The following PTPRB variants were observed in gnomAD, a reference collection of about 807,000 sequenced individuals.
PTPRB encodes receptor-type tyrosine-protein phosphatase beta.
Under a neutral mutation model 238.1 loss-of-function variants are expected in PTPRB, and 97 were observed. That is an observed-to-expected ratio of 0.41 (90% confidence interval 0.35 to 0.48). The LOEUF is 0.48. PTPRB is among the 20% of genes least tolerant of loss of function. The pLI is 0.30. For synonymous variants in PTPRB, 970 were observed against 995.4 expected, an observed-to-expected ratio of 0.97 and a Z score of 0.48; for missense variants, 2,292 against 2,681.9, an observed-to-expected ratio of 0.85 and a Z score of 3.21.
At position 70,539,967 on chromosome 12, in the gene PTPRB, A is replaced by C; in HGVS notation, c.5650T>G (p.Ser1884Ala). The C allele has an allele frequency of 6.2e-7, 1 of 1,612,612 alleles. No homozygotes were observed. The highest frequency in any genetic ancestry group is 8.5e-7 in the Non-Finnish European group (1 of 1,178,592). ...RLSIRRDRPL[S>A]VHLNLGQKGN... The stretch of plus-strand genomic sequence containing the variant: ...TTCTGGCCCAGGTTTAAGTGGACAG[A>C]TAATGGTCGATCCCTACGAATGCTC... The change falls in exon 24 of 34, where the codon TCT becomes GCT. Residue 1884 changes from serine (S) to alanine (A), a missense_variant. Transcript: ENST00000334414.
Position 70,590,041 on chromosome 12 carries a change from G to A in PTPRB, c.1973C>T (p.Pro658Leu). 6.2e-7 allele frequency: 1 copy of A among 1,613,838 alleles called. No individual in the cohort carries two copies. The highest frequency in any genetic ancestry group is 1.1e-5 in the South Asian group (1 of 91,068). The change falls in exon 8 of 34, where the codon CCG (proline) becomes CTG (leucine). Residue 658 changes from proline (P) to leucine (L), a missense_variant. By Grantham distance (98) the Pro-to-Leu change is moderately conservative. Around this residue, in one of 4 missense-constraint regions of PTPRB, gnomAD observed 1,205 missense variants for 1,287.8 expected, o/e 0.94. Coordinates refer to ENST00000334414, the MANE Select transcript of PTPRB (RefSeq NM_001109754.4). ...QYVMDDTGLV[P>L]GRQYEVEVIV... ...GACTTCCACCTCATACTGTCTTCCC[G>A]GTACGAGCCCCGTGTCATCCATGAC...
intron 19 of PTPRB, among the ~76,000 whole-genome samples, chr12:70,555,610 G>A (rs989309346): frequency 2.6e-5 from 4 of 152,148 alleles, no homozygotes; most frequent in African/African-American, 9.7e-5. Flanking sequence ...ACTATATGAG[G>A]CAAAGTGATA....
In PTPRB at chr12:70,516,366, C is replaced by T. The variant is rs191259889; in HGVS notation, c.*5123G>A. ...GTCGAGACGAGATTAAAGACTTGGTCCTTGTTCTTGAGGAATTTATAAGCC... is the reference window on the plus strand; with the variant it reads ...GTCGAGACGAGATTAAAGACTTGGTTCTTGTTCTTGAGGAATTTATAAGCC... On this transcript the variant is annotated 3_prime_UTR_variant, in exon 34 of 34. Coordinates refer to ENST00000334414, the MANE Select transcript of PTPRB (RefSeq NM_001109754.4). 3.3e-5 allele frequency: 5 copies of T among 152,292 alleles called. No individual in the cohort carries two copies. The East Asian group carries it at 9.6e-4, about 29-fold the overall frequency. The allele number at this position is 152,292 out of a possible 1,614,324, so 9.4% of individuals were successfully genotyped here.
chr12:70,624,338 T>C (rs1885079217), intron 2 of PTPRB, among the ~76,000 whole-genome samples: 2 of 152,196 alleles, frequency 1.3e-5, no homozygotes, highest in African/African-American at 4.8e-5. Flanking sequence ...GTACATCTAC[T>C]AGATCTCGGC....
rs560762182 is a variant in PTPRB at position 70,564,323 on chromosome 12, C to T, written c.3905-1216G>A. Among the ~76,000 whole-genome samples the T allele has an allele frequency of 3.7e-4, 56 of 151,240 alleles. No homozygotes were observed. The South Asian group carries it at 0.011, about 31-fold the overall frequency. On this transcript the variant is annotated intron_variant, in intron 15 of 33. Coordinates refer to ENST00000334414, the MANE Select transcript of PTPRB (RefSeq NM_001109754.4). ...GGTCAGGAGTTCAAGACCAGCCTGG[C>T]CAACATGGTGAAACCCTGTCTCTAC...
chr12:70,592,221 T>C, intron 7 of PTPRB, 61 bp downstream of exon 7: 1 of 1,608,996 alleles, frequency 6.2e-7, no homozygotes, highest in Non-Finnish European at 8.5e-7. Context: ...TTTGTCCTAT[T>C]TTAAGGTGGA....
chr12:70,593,536 A>G (rs1882700986), intron 6 of PTPRB, among the ~76,000 whole-genome samples: 1 of 151,518 alleles, frequency 6.6e-6, no homozygotes, highest in Non-Finnish European at 1.5e-5. Flanking sequence ...AAAAAAAAAA[A>G]AAAAGAATGG....
chr12:70,594,166 T>G (rs17108374), intron 6 of PTPRB, among the ~76,000 whole-genome samples: 18,257 of 152,130 alleles, frequency 0.12, 1,217 homozygotes, highest in Non-Finnish European at 0.13. Context: ...CAGTTGCCTG[T>G]TTAAGAAAAG....
chr12:70,583,789 G>A (rs571164120), intron 9 of PTPRB, among the ~76,000 whole-genome samples: 3 of 152,214 alleles, frequency 2.0e-5, no homozygotes, highest in African/African-American at 7.2e-5. Context: ...GCACCTGAAA[G>A]AATCAAATGA....
intron 2 of PTPRB, among the ~76,000 whole-genome samples, chr12:70,624,684 C>T (rs1341058168): frequency 2.6e-5 from 4 of 152,008 alleles, no homozygotes; most frequent in South Asian, 4.1e-4. Flanking sequence ...GATCCTGATC[C>T]TCTGAGTTGA....
At chr12:70,582,988 G>A (rs1407768999) in intron 9 of PTPRB, among the ~76,000 whole-genome samples, 1 of 152,108 alleles carries the variant, frequency 6.6e-6, no homozygotes, top group Non-Finnish European at 1.5e-5. Flanking sequence ...AACCACATGA[G>A]CTATCATTAT....
intron 33 of PTPRB, among the ~76,000 whole-genome samples, chr12:70,522,863 C>CTTTTT (rs35913444): frequency 8.5e-5 from 10 of 118,240 alleles, no homozygotes; most frequent in African/African-American, 1.0e-4. Context: ...TTTGTTTTTT[C>CTTTTT]TTTTTTTTTT....
At chr12:70,576,987 G>A (rs571931976) in intron 10 of PTPRB, among the ~76,000 whole-genome samples, 1 of 152,250 alleles carries the variant, frequency 6.6e-6, no homozygotes, top group East Asian at 1.9e-4. Context: ...AAGGTTCCCT[G>A]TAAGAAAGGG....
intron 11 of PTPRB, among the ~76,000 whole-genome samples, chr12:70,574,922 C>A (rs182929498): frequency 2.2e-4 from 34 of 152,288 alleles, no homozygotes; most frequent in Admixed American, 1.5e-3. Context: ...AGGAAATCAT[C>A]ATGAATTGAC....
Position 70,560,511 on chromosome 12 carries a change from T to C in PTPRB, c.4432+160A>G, listed in dbSNP as rs542486046. Reference sequence around the variant, plus strand: ...ACATATTTCTTTTGGACCAAAGCCTTGTCCTTTATCTGTTGTCCCACAGTC... The same window carrying C: ...ACATATTTCTTTTGGACCAAAGCCTCGTCCTTTATCTGTTGTCCCACAGTC... On this transcript the variant is annotated intron_variant, in intron 17 of 33. Coordinates refer to ENST00000334414, the MANE Select transcript of PTPRB (RefSeq NM_001109754.4). This position sits in a 1 kb window ranked among gnomAD's most constrained non-coding sequence, Gnocchi z 4.2. 1.9e-4 allele frequency among the ~76,000 whole-genome samples: 29 copies of C among 152,346 alleles called. No homozygotes were observed. The South Asian group carries it at 5.0e-3, about 26-fold the overall frequency.
In PTPRB at chr12:70,517,216, T is replaced by A. The variant is rs1871263178; in HGVS notation, c.*4273A>T. The A allele has an allele frequency of 6.6e-6, 1 of 152,228 alleles. No individual in the cohort carries two copies. The highest frequency in any genetic ancestry group is 6.5e-5 in the Admixed American group (1 of 15,274). 9.4% of individuals were successfully genotyped at this position (152,228 alleles called of 1,614,324 possible). ...AGCAAAATAAATTGATTCAATTGTT[T>A]AATCAGTTAAACCATCTGGCCAACA... On this transcript the variant is annotated 3_prime_UTR_variant, in exon 34 of 34. Transcript: ENST00000334414.
intron 4 of PTPRB, among the ~76,000 whole-genome samples, chr12:70,606,525 C>G (rs1289559653): frequency 6.6e-6 from 1 of 152,178 alleles, no homozygotes; most frequent in African/African-American, 2.4e-5. Context: ...TCATGTCTTG[C>G]TCTCATTCTA....
intron 4 of PTPRB, among the ~76,000 whole-genome samples, chr12:70,606,710 G>A (rs1883977262): frequency 1.3e-5 from 2 of 152,076 alleles, no homozygotes; most frequent in Non-Finnish European, 2.9e-5. Flanking sequence ...ATTAACATAG[G>A]GGAATACTAG....
intron 5 of PTPRB, 60 bp downstream of exon 5, chr12:70,595,989 T>C: frequency 1.5e-6 from 2 of 1,372,174 alleles, no homozygotes; most frequent in Non-Finnish European, 1.9e-6. Context: ...ATTCCTTGAA[T>C]AAAGTATAAC....
Sources: gnomAD v4.1 joint callset for allele counts (sites outside exome capture counted in the v4.1 genomes callset) on GRCh38, gnomAD v4.1.1 for gene constraint, gnomAD v4.1.1 regional missense constraint, Gnocchi (gnomAD v3.1) non-coding constraint, MANE v1.5 for transcripts, NCBI Gene and HGNC (gene_info 2026-07-23, HGNC 2026-07-21) for gene names.